ATXN1L: variants seen among roughly 807,000 people sequenced by gnomAD.
ATXN1L encodes ataxin 1 like.
A neutral mutation model predicts 43.4 loss-of-function variants in ATXN1L; 8 were observed. The ratio of observed to expected loss-of-function variants is 0.18; its 90% CI spans 0.11 to 0.33. The LOEUF (loss-of-function observed/expected upper bound fraction) is 0.33. ATXN1L is among the 10% of genes least tolerant of loss of function. The pLI is 1.00. For missense variants in ATXN1L, 856 were observed against 885.4 expected (o/e 0.97, Z 0.42); for synonymous variants, 379 against 360.6 (o/e 1.05, Z -0.58).
intron 2 of ATXN1L, among the ~76,000 whole-genome samples, chr16:71,849,230 A>C (rs2033473670): frequency 6.6e-6 from 1 of 150,550 alleles, no homozygotes; most frequent in Non-Finnish European, 1.5e-5. Context: ...AAAAAAAAAA[A>C]AAAAAAAAAA....
Position 71,855,785 on chromosome 16 carries a change from G to A in ATXN1L, c.*3975G>A, listed in dbSNP as rs1300349055. ...TTTAGGGAGACATCTTGGCCTCCTA[G>A]GCTAAGTTTACTAAACCACACTGAA... On this transcript the variant is annotated 3_prime_UTR_variant, in exon 3 of 3. Transcript: ENST00000427980. 6.0e-6 allele frequency: 1 copy of A among 167,070 alleles called. No homozygotes were observed. Among genetic ancestry groups the A allele is most frequent in the Non-Finnish European group, 1.5e-5 (1 of 68,122 alleles). 10.3% of individuals were successfully genotyped at this position (167,070 alleles called of 1,614,324 possible).
chr16:71,849,494 T>G, intron 2 of ATXN1L, 130 bp from the exon 3 acceptor site: 8 of 347,972 alleles, frequency 2.3e-5, no homozygotes, highest in East Asian at 4.8e-5. Flanking sequence ...GTCTGCCCCT[T>G]TCTCTTTCCT....
Position 71,854,470 on chromosome 16 carries a change from C to G in ATXN1L, c.*2660C>G, listed in dbSNP as rs1041285794. ...TGATTTTGCTGAGCTGCAAAGGTATCTGTCATAAAATATGGTCCCCAGGAA... is the reference window on the plus strand; with the variant it reads ...TGATTTTGCTGAGCTGCAAAGGTATGTGTCATAAAATATGGTCCCCAGGAA... On this transcript the variant is annotated 3_prime_UTR_variant, in exon 3 of 3. Coordinates refer to ENST00000427980, the MANE Select transcript of ATXN1L (RefSeq NM_001137675.4). The G allele has an allele frequency of 5.4e-5, 9 of 166,970 alleles. No homozygotes were observed. The highest frequency in any genetic ancestry group is 5.9e-5 in the Non-Finnish European group (4 of 68,126). 10.3% of individuals were successfully genotyped at this position (166,970 alleles called of 1,614,324 possible).
At chr16:71,847,414 A>G (rs1019437237) in intron 1 of ATXN1L, among the ~76,000 whole-genome samples, 13 of 152,038 alleles carry the variant, frequency 8.6e-5, no homozygotes, top group Admixed American at 2.6e-4. Flanking sequence ...AAAATTTTAC[A>G]TACACACACA....
Position 71,848,025 on chromosome 16 carries a change from G to T in ATXN1L, c.-164G>T. The T allele has an allele frequency of 2.2e-6, 1 of 455,920 alleles. No homozygotes were observed. The highest frequency in any genetic ancestry group is 1.5e-5 in the South Asian group (1 of 64,548). 28.2% of individuals were successfully genotyped at this position (455,920 alleles called of 1,614,324 possible). On this transcript the variant is annotated 5_prime_UTR_variant, in exon 2 of 3. Coordinates refer to ENST00000427980, the MANE Select transcript of ATXN1L (RefSeq NM_001137675.4). ...TATCTTCTAGGCTCCCGAGCCAGCC[G>T]GGAGGACACTTACTACAGCTGCTCA...
chr16:71,851,067 G>A lies in ATXN1L; in HGVS notation c.1327G>A (p.Asp443Asn), dbSNP rs969081239. The A allele has an allele frequency of 2.6e-6, 4 of 1,551,648 alleles. No homozygotes were observed. Among genetic ancestry groups the A allele is most frequent in the Admixed American group, 3.9e-5 (2 of 51,000 alleles). Residue 443 changes from aspartate (D) to asparagine (N), a missense_variant, in exon 3 of 3, where the codon GAC (aspartate) becomes AAC (asparagine). Physicochemically the swap from Asp to Asn is conservative, Grantham distance 23 (BLOSUM62 1). This residue lies in a region of ATXN1L where 490 missense variants were observed against 449.4 expected (regional missense o/e 1.09). Coordinates refer to ENST00000427980, the MANE Select transcript of ATXN1L (RefSeq NM_001137675.4). The surrounding 1 kb of genome is among the most constrained non-coding windows in gnomAD (Gnocchi z 4.9). ...GGAGATCCTGGTAGCATCAAGTCTG[G>A]ACGTGCAGGCCAGAGCCACCTTCCC... ...GSEILVASSLDVQARATFPDK... is the reference protein window; with the variant it reads ...GSEILVASSLNVQARATFPDK...
In ATXN1L at chr16:71,851,965, G is replaced by T. The variant is rs76691127; in HGVS notation, c.*155G>T. On this transcript the variant is annotated 3_prime_UTR_variant, in exon 3 of 3. Transcript: ENST00000427980. The surrounding 1 kb of genome is among the most constrained non-coding windows in gnomAD (Gnocchi z 4.9). ...GCATGAAGTCAGCCTCCCAAGGCAG[G>T]ATCTGTTGTTCATTACCCCATGGCA... 3 of 876,646 alleles carry T rather than the reference G, an allele frequency of 3.4e-6. No individual in the cohort carries two copies. Among genetic ancestry groups the T allele is most frequent in the African/African-American group, 1.7e-5 (1 of 58,502 alleles). 54.3% of individuals were successfully genotyped at this position (876,646 alleles called of 1,614,324 possible).
At position 71,855,717 on chromosome 16, in the gene ATXN1L, G is replaced by C. The variant is rs1249484946; in HGVS notation, c.*3907G>C. 1 of 167,038 alleles carries C rather than the reference G, an allele frequency of 6.0e-6. No homozygotes were observed. The highest frequency in any genetic ancestry group is 1.9e-4 in the East Asian group (1 of 5,190). The allele number at this position is 167,038 out of a possible 1,614,324, so 10.3% of individuals were successfully genotyped here. Reference sequence around the variant, plus strand: ...CGATTGAATTGGCCATGGGAAGTTAGGTCACAGTCTTATAAACAAAGTAAA... The same window carrying C: ...CGATTGAATTGGCCATGGGAAGTTACGTCACAGTCTTATAAACAAAGTAAA... On this transcript the variant is annotated 3_prime_UTR_variant, in exon 3 of 3. Coordinates refer to ENST00000427980, the MANE Select transcript of ATXN1L (RefSeq NM_001137675.4).
chr16:71,852,211 G>A lies in ATXN1L; in HGVS notation c.*401G>A, dbSNP rs1223274443. 5.7e-6 allele frequency: 1 copy of A among 175,598 alleles called. No individual in the cohort carries two copies. Among genetic ancestry groups the A allele is most frequent in the Non-Finnish European group, 1.3e-5 (1 of 74,192 alleles). The allele number at this position is 175,598 out of a possible 1,614,324, so 10.9% of individuals were successfully genotyped here. On this transcript the variant is annotated 3_prime_UTR_variant, in exon 3 of 3. Transcript: ENST00000427980. ...CAAAAATGATGATCCACAGCTTATA[G>A]TAGCAGTTAAACTGTCAGAAGTTTT...
chr16:71,850,414 G>A lies in ATXN1L; in HGVS notation c.674G>A (p.Gly225Asp). 1 of 1,551,686 alleles carries A rather than the reference G, an allele frequency of 6.4e-7. No homozygotes were observed. Among genetic ancestry groups the A allele is most frequent in the Non-Finnish European group, 8.7e-7 (1 of 1,147,002 alleles). Residue 225 changes from glycine to aspartate, a missense_variant, in exon 3 of 3, where the codon GGT becomes GAT. By Grantham distance (94) the Gly-to-Asp change is moderately conservative. This residue lies in a region of ATXN1L where 490 missense variants were observed against 449.4 expected (regional missense o/e 1.09). Transcript: ENST00000427980. ...SSTQPLDLAP[G>D]RMPIYYQMSR... ...ACTCAGCCGCTGGACCTTGCTCCAG[G>A]TCGGATGCCCATTTATTATCAGATG...
chr16:71,854,967 C>A lies in ATXN1L; in HGVS notation c.*3157C>A, dbSNP rs2033538017. 1 of 166,990 alleles carries A rather than the reference C, an allele frequency of 6.0e-6. No homozygotes were observed. The highest frequency in any genetic ancestry group is 1.5e-5 in the Non-Finnish European group (1 of 68,136). 10.3% of individuals were successfully genotyped at this position (166,990 alleles called of 1,614,324 possible). ...GAGTACTTGTACCTGAGGGAGGGCC[C>A]CCAGCCAATCTGGGCTGGTCCTTCT... On this transcript the variant is annotated 3_prime_UTR_variant, in exon 3 of 3. Coordinates refer to ENST00000427980, the MANE Select transcript of ATXN1L (RefSeq NM_001137675.4).
At position 71,851,081 on chromosome 16, in the gene ATXN1L, A is replaced by C. The variant is rs765889737; in HGVS notation, c.1341A>C (p.Arg447Ser). ...LVASSLDVQA[R>S]ATFPDKEPTP... ...CATCAAGTCTGGACGTGCAGGCCAG[A>C]GCCACCTTCCCAGACAAGGAGCCAA... The change falls in exon 3 of 3, where the codon AGA becomes AGC. Residue 447 changes from arginine (R) to serine (S), a missense_variant. Physicochemically the swap from Arg to Ser is moderately radical, Grantham distance 110. Transcript: ENST00000427980. This position sits in a 1 kb window ranked among gnomAD's most constrained non-coding sequence, Gnocchi z 4.9. 6.4e-7 allele frequency: 1 copy of C among 1,551,584 alleles called. No individual in the cohort carries two copies. Among genetic ancestry groups the C allele is most frequent in the South Asian group, 1.2e-5 (1 of 84,052 alleles).
rs2033500645 is a variant in ATXN1L, at chr16:71,851,382, T to A, written c.1642T>A (p.Tyr548Asn). The change falls in exon 3 of 3, where the codon TAT becomes AAT. Residue 548 changes from tyrosine (Y) to asparagine (N), a missense_variant. Tyr to Asn is a moderately radical substitution (Grantham distance 143). Transcript: ENST00000427980. The surrounding 1 kb of genome is among the most constrained non-coding windows in gnomAD (Gnocchi z 4.9). ...EVPPEHPFFV[Y>N]GQGWSSCSPG... ...GCCCCCCGAGCACCCCTTCTTTGTA[T>A]ATGGCCAGGGTTGGTCCTCTTGCAG... The A allele has an allele frequency of 6.4e-7, 1 of 1,551,438 alleles. No individual in the cohort carries two copies.
At chr16:71,847,289 A>T (rs1423265325) in intron 1 of ATXN1L, among the ~76,000 whole-genome samples, 1 of 151,800 alleles carries the variant, frequency 6.6e-6, no homozygotes, top group Non-Finnish European at 1.5e-5. Flanking sequence ...GTGTAGATTC[A>T]CATAGTGATG....
In ATXN1L at chr16:71,850,483, C is replaced by G. The variant is rs762412751; in HGVS notation, c.743C>G (p.Ala248Gly). 13 of 1,551,600 alleles carry G rather than the reference C, an allele frequency of 8.4e-6. No homozygotes were observed. The highest frequency in any genetic ancestry group is 7.8e-6 in the Non-Finnish European group (9 of 1,147,004). ...TATACTTTGCATGAAACCCCTCCAG[C>G]AGGTGCCAGCCCAGTTCTTACCCCT... ...AGYTLHETPP[A>G]GASPVLTPQE... Residue 248 changes from alanine to glycine, a missense_variant, in exon 3 of 3, where the codon GCA becomes GGA. This residue lies in a region of ATXN1L where 490 missense variants were observed against 449.4 expected (regional missense o/e 1.09). Transcript: ENST00000427980.
chr16:71,847,520 A>AT (rs1567388781), intron 1 of ATXN1L, among the ~76,000 whole-genome samples: 1 of 151,878 alleles, frequency 6.6e-6, no homozygotes, highest in African/African-American at 2.4e-5. Flanking sequence ...AGAAACATAA[A>AT]TAATTGTTCT....
chr16:71,849,028 A>G (rs1410257963), intron 2 of ATXN1L, among the ~76,000 whole-genome samples: 1 of 152,008 alleles, frequency 6.6e-6, no homozygotes, highest in Non-Finnish European at 1.5e-5. Context: ...TAGCCTGGCC[A>G]ACATGGTGAA....
Position 71,851,723 on chromosome 16 carries a change from G to C in ATXN1L, c.1983G>C (p.Glu661Asp), listed in dbSNP as rs193290317. The C allele has an allele frequency of 6.8e-7, 1 of 1,474,842 alleles. No homozygotes were observed. Among genetic ancestry groups the C allele is most frequent in the African/African-American group, 1.4e-5 (1 of 70,518 alleles). The allele number at this position is 1,474,842 out of a possible 1,614,324, so 91.4% of individuals were successfully genotyped here. The part of the protein sequence containing the change: ...PSFQRYSMQG[E>D]EARAALLRPS... ...TCCAAAGATACAGCATGCAAGGGGA[G>C]GAGGCACGGGCTGCGCTGCTCCGTC... is the stretch of plus-strand genomic sequence containing the variant. The change falls in exon 3 of 3, where the codon GAG becomes GAC. Residue 661 changes from glutamate to aspartate, a missense_variant. This residue lies in a region of ATXN1L where 185 missense variants were observed against 176.8 expected (regional missense o/e 1.05). Coordinates refer to ENST00000427980, the MANE Select transcript of ATXN1L (RefSeq NM_001137675.4). This position sits in a 1 kb window ranked among gnomAD's most constrained non-coding sequence, Gnocchi z 4.9.
rs753573725 is a variant in ATXN1L at position 71,848,080 on chromosome 16, G to A, written c.-118+9G>A. The A allele has an allele frequency of 5.2e-4, 237 of 455,478 alleles. 2 individuals carry two copies. The highest frequency in any genetic ancestry group is 2.6e-4 in the Admixed American group (11 of 42,498). The allele number at this position is 455,478 out of a possible 1,614,324, so 28.2% of individuals were successfully genotyped here. ...CACCACTGGAAACTCAGGTAATACCGGCACTTTGAATTCCTTGTTTCAGGA... is the reference window on the plus strand; with the variant it reads ...CACCACTGGAAACTCAGGTAATACCAGCACTTTGAATTCCTTGTTTCAGGA... On this transcript the variant is annotated intron_variant, in intron 2 of 2. Transcript: ENST00000427980.
Sources: allele counts gnomAD v4.1 joint callset (sites outside exome capture counted in the v4.1 genomes callset), GRCh38; gene constraint gnomAD v4.1.1; regional missense constraint gnomAD v4.1.1; non-coding constraint Gnocchi (gnomAD v3.1); transcripts MANE v1.5; gene names NCBI Gene and HGNC (gene_info 2026-07-23, HGNC 2026-07-21).